JAKMIP3: variants seen among roughly 807,000 people sequenced by gnomAD.
JAKMIP3 encodes Janus kinase and microtubule interacting protein 3, also known as janus kinase and microtubule-interacting protein 3.
In JAKMIP3, 58 loss-of-function variants were observed where a neutral mutation model predicts 118.5. That is an observed-to-expected ratio of 0.49 (90% CI 0.40 to 0.61). JAKMIP3 has a LOEUF of 0.61. Among genes scored for constraint, JAKMIP3 ranks in the 20% least tolerant of loss-of-function variants. The pLI, the probability that JAKMIP3 is intolerant of heterozygous loss-of-function variation, is 0.00. For synonymous variants in JAKMIP3, 486 were observed against 451.2 expected, an observed-to-expected ratio of 1.08 and a Z score of -0.98; for missense variants, 950 against 1,109.0, an observed-to-expected ratio of 0.86 and a Z score of 2.04.
chr10:132,172,852 G>A (rs960240883), intron 23 of JAKMIP3, among the ~76,000 whole-genome samples: 2 of 151,614 alleles, frequency 1.3e-5, no homozygotes, highest in Non-Finnish European at 2.9e-5. Context: ...TGGGGTGACA[G>A]TATTTCTAGG....
chr10:132,088,024 G>A (rs11146155), intron 1 of JAKMIP3, among the ~76,000 whole-genome samples: 90,413 of 151,630 alleles, frequency 0.6, 27,947 homozygotes, highest in African/African-American at 0.73. Context: ...ATGTCCCTAC[G>A]AAGGACATGA....
chr10:132,149,592 C>A, intron 15 of JAKMIP3, 82 bp downstream of exon 15: 1 of 139,958 alleles, frequency 7.1e-6, no homozygotes, highest in Non-Finnish European at 1.3e-5. Context: ...GCCCCACCCC[C>A]CTCCGCCCCC....
intron 3 of JAKMIP3, among the ~76,000 whole-genome samples, chr10:132,121,979 A>AGG (rs1368890319): frequency 6.6e-6 from 1 of 152,222 alleles, no homozygotes; most frequent in African/African-American, 2.4e-5. Context: ...CCGTGATTCA[A>AGG]GGTTCTGCCT....
At chr10:132,136,237 G>A (rs933137258) in intron 6 of JAKMIP3, among the ~76,000 whole-genome samples, 161 bp downstream of exon 6, 9 of 152,192 alleles carry the variant, frequency 5.9e-5, no homozygotes, top group African/African-American at 2.2e-4. Context: ...GGGAGCAACC[G>A]CCAAGCCCAG....
At chr10:132,043,910 G>A (rs948548465) in intron 1 of JAKMIP3, among the ~76,000 whole-genome samples, 1 of 152,228 alleles carries the variant, frequency 6.6e-6, no homozygotes, top group Admixed American at 6.5e-5. Flanking sequence ...GAATCAAGTT[G>A]AGTTTTTTGC....
chr10:132,115,448 C>G (rs1054268700), intron 2 of JAKMIP3, among the ~76,000 whole-genome samples: 6 of 152,170 alleles, frequency 3.9e-5, no homozygotes, highest in African/African-American at 1.4e-4. Context: ...TCATCTGGGC[C>G]CTTCTAGGCG....
chr10:132,141,097 G>A (rs1275631504), intron 10 of JAKMIP3, among the ~76,000 whole-genome samples: 1 of 152,242 alleles, frequency 6.6e-6, no homozygotes, highest in Non-Finnish European at 1.5e-5. Flanking sequence ...TTCAGCACCA[G>A]GTCGGGGCTT....
chr10:132,166,923 T>C (rs933051065), intron 21 of JAKMIP3, 60 bp from the exon 22 acceptor site: 1 of 1,266,026 alleles, frequency 7.9e-7, no homozygotes, highest in Non-Finnish European at 1.1e-6. Flanking sequence ...CCAGAAGCAC[T>C]ACAAACTCTT....
chr10:132,138,013 C>T lies in JAKMIP3; in HGVS notation c.1285-106C>T, dbSNP rs370016547. 29 of 1,082,940 alleles carry T rather than the reference C, an allele frequency of 2.7e-5. No homozygotes were observed. The East Asian group carries it at 4.4e-4, about 17-fold the overall frequency. The allele number at this position is 1,082,940 out of a possible 1,614,324, so 67.1% of individuals were successfully genotyped here. The stretch of plus-strand genomic sequence containing the variant: ...GTGTGGGGACAAGCCAGCCCAGACA[C>T]CGTCTTCCCTGTCATCCAAATGATG... On this transcript the variant is annotated intron_variant, in intron 8 of 23. Coordinates refer to ENST00000684848, the MANE Select transcript of JAKMIP3 (RefSeq NM_001323087.2).
At chr10:132,157,266 AGCCTGAGAAACCC>A (rs1263463313) in intron 19 of JAKMIP3, among the ~76,000 whole-genome samples, 1 of 152,092 alleles carries the variant, frequency 6.6e-6, no homozygotes, top group Non-Finnish European at 1.5e-5. Flanking sequence ...TTTCATGGAT[AGCCTGAGAAACCC>A]ACCAGCTGCA....
intron 1 of JAKMIP3, among the ~76,000 whole-genome samples, chr10:132,078,624 G>GC (rs1491350533): frequency 8.9e-6 from 1 of 112,676 alleles, no homozygotes; most frequent in Non-Finnish European, 1.8e-5. Flanking sequence ...GGGGGCGGGG[G>GC]GGGGGGGGGG....
chr10:132,093,643 T>G (rs1406154266), intron 1 of JAKMIP3, among the ~76,000 whole-genome samples: 1 of 152,176 alleles, frequency 6.6e-6, no homozygotes, highest in Non-Finnish European at 1.5e-5. Flanking sequence ...CATCACCGCT[T>G]CCCTTGGCTA....
In JAKMIP3 at chr10:132,183,039, G is replaced by C. The variant is rs959706648; in HGVS notation, c.*1786G>C. On this transcript the variant is annotated 3_prime_UTR_variant, in exon 24 of 24. Transcript: ENST00000684848. ...TGTCTCTAGCTGAGCCTGACCTCGG[G>C]GTTTGCGTCTCGAGTCTGAAATCCT... The C allele has an allele frequency of 3.3e-5, 5 of 152,144 alleles. No homozygotes were observed. Among genetic ancestry groups the C allele is most frequent in the African/African-American group, 1.2e-4 (5 of 41,412 alleles). 9.4% of individuals were successfully genotyped at this position (152,144 alleles called of 1,614,324 possible).
intron 10 of JAKMIP3, 29 bp from the exon 11 acceptor site, chr10:132,141,889 CTG>C: frequency 6.3e-7 from 1 of 1,580,350 alleles, no homozygotes; most frequent in Non-Finnish European, 8.6e-7. Flanking sequence ...CACTGTGTCT[CTG>C]TGCGTGTGTG....
At chr10:132,052,447 A>G (rs2038128337) in intron 1 of JAKMIP3, among the ~76,000 whole-genome samples, 1 of 152,174 alleles carries the variant, frequency 6.6e-6, no homozygotes, top group South Asian at 2.1e-4. Flanking sequence ...GTCTTTCATC[A>G]ATTCTAGAGA....
At chr10:132,167,261 C>T (rs1415551266) in intron 22 of JAKMIP3, among the ~76,000 whole-genome samples, 1 of 152,206 alleles carries the variant, frequency 6.6e-6, no homozygotes, top group Non-Finnish European at 1.5e-5. Flanking sequence ...CCGGAGTCTT[C>T]CACTGTAGAG....
At position 132,153,776 on chromosome 10, in the gene JAKMIP3, G is replaced by A. The variant is rs1294560592; in HGVS notation, c.2091G>A (p.Glu697=). 1 of 1,613,174 alleles carries A rather than the reference G, an allele frequency of 6.2e-7. No homozygotes were observed. Among genetic ancestry groups the A allele is most frequent in the Admixed American group, 1.7e-5 (1 of 60,032 alleles). ...GTGTCCAGTGGCTCCAGCAGATTGA[G>A]GAGACAGAGGCGGCGCTGCAGCGGA... ...TLAEKWLQQI[E]ETEAALQRKM... is the part of the protein sequence containing the mutation. The change falls in exon 18 of 24, where the codon GAG becomes GAA. Residue 697 remains glutamate (E), a synonymous_variant. Coordinates refer to ENST00000684848, the MANE Select transcript of JAKMIP3 (RefSeq NM_001323087.2).
At chr10:132,073,269 T>A (rs955780855) in intron 1 of JAKMIP3, among the ~76,000 whole-genome samples, 29 of 152,208 alleles carry the variant, frequency 1.9e-4, no homozygotes, top group Non-Finnish European at 3.4e-4. Context: ...CACTACAAGC[T>A]CTGCCTCCCA....
At chr10:132,170,977 G>A (rs1038233968) in intron 23 of JAKMIP3, among the ~76,000 whole-genome samples, 10 of 152,246 alleles carry the variant, frequency 6.6e-5, no homozygotes, top group East Asian at 1.9e-4. Context: ...CCAGATGCTC[G>A]TGGAGGGCTG....
Sources: allele counts gnomAD v4.1 joint callset (sites outside exome capture counted in the v4.1 genomes callset), GRCh38; gene constraint gnomAD v4.1.1; transcripts MANE v1.5; gene names NCBI Gene and HGNC (gene_info 2026-07-23, HGNC 2026-07-21).